Variants in DNAJC15 observed in about 807,000 individuals in gnomAD.
DNAJC15 encodes dnaJ homolog subfamily C member 15.
In DNAJC15, 27 loss-of-function variants were observed where a neutral mutation model predicts 22.4. The observed-to-expected ratio is 1.20, with a 90% CI of 0.89 to 1.66. The LOEUF (loss-of-function observed/expected upper bound fraction) is 1.66, where lower values mean the gene tolerates loss of function less well. Among genes scored for constraint, DNAJC15 ranks in the 40% most tolerant of loss-of-function variants. The pLI, the probability that DNAJC15 is intolerant of heterozygous loss-of-function variation, is 0.00. For synonymous variants in DNAJC15, 79 were observed against 63.2 expected (o/e 1.25, Z -1.19); for missense variants, 208 against 187.1 (o/e 1.11, Z -0.65).
At chr13:43,066,841 G>A (rs1315728078) in intron 2 of DNAJC15, among the ~76,000 whole-genome samples, 2 of 152,068 alleles carry the variant, frequency 1.3e-5, no homozygotes, top group Non-Finnish European at 2.9e-5. Context: ...GGATGGTTTC[G>A]ATCGCCTGAC....
rs2040806609 is a variant in DNAJC15, at chr13:43,108,045, G to T, written c.*797G>T. ...GAGTTGCAAGTATGAAGCAGTCATG[G>T]ATCATGAACCAAAGGAACTTATATG... On this transcript the variant is annotated 3_prime_UTR_variant, in exon 6 of 6. Coordinates refer to ENST00000379221, the MANE Select transcript of DNAJC15 (RefSeq NM_013238.3). The T allele has an allele frequency of 6.6e-6, 1 of 152,610 alleles. No homozygotes were observed. The highest frequency in any genetic ancestry group is 1.5e-5 in the Non-Finnish European group (1 of 68,018). The allele number at this position is 152,610 out of a possible 1,614,324, so 9.5% of individuals were successfully genotyped here. A position where few individuals can be genotyped will look rare whatever the true frequency, so the allele number is the denominator to read the frequency against.
intron 5 of DNAJC15, among the ~76,000 whole-genome samples, chr13:43,094,946 C>T (rs937852883): frequency 6.6e-6 from 1 of 152,178 alleles, no homozygotes; most frequent in Admixed American, 6.5e-5. Flanking sequence ...TTTGGACCCT[C>T]AAGCCATAGT....
intron 3 of DNAJC15, among the ~76,000 whole-genome samples, chr13:43,075,850 G>GAT (rs2040631447): frequency 1.3e-5 from 2 of 152,134 alleles, no homozygotes; most frequent in Non-Finnish European, 2.9e-5. Flanking sequence ...CTTTAGTAGA[G>GAT]ACGGGGTTTC....
At chr13:43,045,003 A>G (rs777466667) in intron 1 of DNAJC15, among the ~76,000 whole-genome samples, 1 of 152,026 alleles carries the variant, frequency 6.6e-6, no homozygotes, top group Admixed American at 6.6e-5. Context: ...GCTCAAAACA[A>G]TGATGTACTG....
intron 3 of DNAJC15, among the ~76,000 whole-genome samples, chr13:43,073,257 A>G (rs2040617113): frequency 6.6e-6 from 1 of 152,220 alleles, no homozygotes; most frequent in African/African-American, 2.4e-5. Flanking sequence ...GTTAACAGGC[A>G]TGTCTTTCAG....
At chr13:43,098,149 C>T (rs2040750354) in intron 5 of DNAJC15, among the ~76,000 whole-genome samples, 1 of 152,124 alleles carries the variant, frequency 6.6e-6, no homozygotes, top group South Asian at 2.1e-4. Flanking sequence ...TGAAGTCCCT[C>T]TTGTATGCCT....
chr13:43,049,071 ATACT>A (rs1002995853), intron 1 of DNAJC15, among the ~76,000 whole-genome samples: 24 of 152,126 alleles, frequency 1.6e-4, no homozygotes, highest in Admixed American at 4.6e-4. Context: ...GTACAGGAAT[ATACT>A]TACTTTTTTA....
intron 4 of DNAJC15, among the ~76,000 whole-genome samples, chr13:43,079,295 T>C (rs1318637829): frequency 1.3e-5 from 2 of 152,188 alleles, no homozygotes; most frequent in African/African-American, 4.8e-5. Flanking sequence ...CAGTATGTCA[T>C]GTACAACAAA....
rs57271276 is a variant in DNAJC15, at chr13:43,051,634, G to GGTGTGTGTGTGTGT, written c.109-14037_109-14024dup. 4.3e-3 allele frequency among the ~76,000 whole-genome samples: 569 copies of GGTGTGTGTGTGTGT among 133,140 alleles called. 5 individuals are homozygous for GGTGTGTGTGTGTGT. The highest frequency in any genetic ancestry group is 0.014 in the African/African-American group (506 of 36,630). 87.3% of individuals were successfully genotyped at this position (133,140 alleles called of 152,430 possible). A position where few individuals can be genotyped will look rare whatever the true frequency, so the allele number is the denominator to read the frequency against. ...TTTTTATGGCTGAGTAGTACTTCAT[G>GGTGTGTGTGTGTGT]GTGTGTGTGTGTGTGTGTGTGTGTG... is the stretch of plus-strand genomic sequence containing the variant. On this transcript the variant is annotated intron_variant, in intron 1 of 5. Transcript: ENST00000379221.
chr13:43,064,938 T>A (rs2040576160), intron 1 of DNAJC15, among the ~76,000 whole-genome samples: 1 of 147,326 alleles, frequency 6.8e-6, no homozygotes, highest in African/African-American at 2.5e-5. Context: ...GAAAAATATA[T>A]CTAGCTAAAA....
chr13:43,066,909 G>A (rs1050712971), intron 2 of DNAJC15, among the ~76,000 whole-genome samples: 2 of 152,166 alleles, frequency 1.3e-5, no homozygotes, highest in African/African-American at 2.4e-5. Flanking sequence ...GTGAGCCACC[G>A]TGCCCGGCCC....
At chr13:43,042,249 CAACA>C (rs1402368412) in intron 1 of DNAJC15, among the ~76,000 whole-genome samples, 2 of 152,054 alleles carry the variant, frequency 1.3e-5, no homozygotes, top group East Asian at 1.9e-4. Flanking sequence ...AAGACATTAA[CAACA>C]AACAATGCAA....
chr13:43,050,997 T>C (rs775827301), intron 1 of DNAJC15, among the ~76,000 whole-genome samples: 8 of 152,130 alleles, frequency 5.3e-5, no homozygotes, highest in Non-Finnish European at 1.0e-4. Context: ...TTTTTGAGAC[T>C]AAGTCTCACT....
At chr13:43,084,443 A>G (rs1593326483) in intron 4 of DNAJC15, among the ~76,000 whole-genome samples, 1 of 152,356 alleles carries the variant, frequency 6.6e-6, no homozygotes, top group African/African-American at 2.4e-5. Context: ...GCTAATAAGT[A>G]GTGGAATCAA....
chr13:43,073,782 T>A (rs2040619676), intron 3 of DNAJC15, among the ~76,000 whole-genome samples: 1 of 152,154 alleles, frequency 6.6e-6, no homozygotes, highest in East Asian at 1.9e-4. Flanking sequence ...TCTTTACTCA[T>A]TTCAAAGGCA....
chr13:43,101,353 T>C (rs1326566474), intron 5 of DNAJC15, among the ~76,000 whole-genome samples: 2 of 152,234 alleles, frequency 1.3e-5, no homozygotes, highest in Non-Finnish European at 2.9e-5. Flanking sequence ...TTTAATCCGG[T>C]GCGACAGCCT....
At chr13:43,085,186 A>G (rs35391000) in intron 4 of DNAJC15, among the ~76,000 whole-genome samples, 11,325 of 152,074 alleles carry the variant, frequency 0.074, 533 homozygotes, top group Middle Eastern at 0.18. Flanking sequence ...ACATGATGAA[A>G]CCCTGTCTCT....
chr13:43,061,778 C>G (rs777504557), intron 1 of DNAJC15, among the ~76,000 whole-genome samples: 1 of 152,228 alleles, frequency 6.6e-6, no homozygotes, highest in Admixed American at 6.5e-5. Context: ...CCATGATCTA[C>G]GCAGCTCCTG....
intron 1 of DNAJC15, among the ~76,000 whole-genome samples, chr13:43,063,265 C>T (rs565707335): frequency 7.9e-5 from 12 of 152,304 alleles, no homozygotes; most frequent in Admixed American, 5.9e-4. Context: ...CCGTCTTGGC[C>T]TCCCAAAGTG....
Sources: gnomAD v4.1 joint callset for allele counts (sites outside exome capture counted in the v4.1 genomes callset) on GRCh38, gnomAD v4.1.1 for gene constraint, MANE v1.5 for transcripts, NCBI Gene and HGNC (gene_info 2026-07-23, HGNC 2026-07-21) for gene names.